TGFB2: variants seen among roughly 807,000 people sequenced by gnomAD.
TGFB2 encodes the protein transforming growth factor beta-2 proprotein.
In TGFB2, 13 loss-of-function variants were observed where a neutral mutation model predicts 42.7. The observed-to-expected ratio is 0.30, with a 90% confidence interval of 0.20 to 0.48. The LOEUF (loss-of-function observed/expected upper bound fraction) is 0.48, where lower values mean the gene tolerates loss of function less well. Ranked by LOEUF, TGFB2 falls within the 20% of genes least tolerant of loss-of-function variation. TGFB2 has a pLI of 0.99. For synonymous variants in TGFB2, 193 were observed against 193.6 expected, an observed-to-expected ratio of 1.00 and a Z score of 0.03; for missense variants, 390 against 517.5, an observed-to-expected ratio of 0.75 and a Z score of 2.39.
In TGFB2 at chr1:218,346,931, T is replaced by C; in HGVS notation, c.230T>C (p.Leu77Ser). The change falls in exon 1 of 7, where the codon TTG becomes TCG. Residue 77 changes from leucine to serine, a missense_variant. Coordinates refer to ENST00000366930, the MANE Select transcript of TGFB2 (RefSeq NM_003238.6). This position sits in a 1 kb window ranked among gnomAD's most constrained non-coding sequence, Gnocchi z 4.9. Reference sequence around the variant, plus strand: ...TCCATCTACAACAGCACCAGGGACTTGCTCCAGGAGAAGGCGAGCCGGAGG... The same window carrying C: ...TCCATCTACAACAGCACCAGGGACTCGCTCCAGGAGAAGGCGAGCCGGAGG... ...VISIYNSTRD[L>S]LQEKASRRAA... 1 of 1,614,166 alleles carries C rather than the reference T, an allele frequency of 6.2e-7. No individual in the cohort carries two copies. Among genetic ancestry groups the C allele is most frequent in the Non-Finnish European group, 8.5e-7 (1 of 1,180,038 alleles).
intron 1 of TGFB2, among the ~76,000 whole-genome samples, chr1:218,365,738 C>T (rs1447733525): frequency 1.3e-5 from 2 of 151,018 alleles, no homozygotes; most frequent in Non-Finnish European, 2.9e-5. Flanking sequence ...TGCCAGGGGG[C>T]AGGCATCCAG....
At chr1:218,422,798 C>T (rs1267433108) in intron 2 of TGFB2, among the ~76,000 whole-genome samples, 4 of 152,010 alleles carry the variant, frequency 2.6e-5, no homozygotes, top group South Asian at 2.1e-4. Flanking sequence ...CTGGGGTATA[C>T]GTATAATGCA....
At chr1:218,411,864 C>CAAA (rs34140547) in intron 2 of TGFB2, among the ~76,000 whole-genome samples, 32 of 88,772 alleles carry the variant, frequency 3.6e-4, no homozygotes, top group African/African-American at 9.1e-4. Flanking sequence ...AATTCAGTCT[C>CAAA]AAAAAAAAAA....
At chr1:218,424,716 A>T (rs1340482478) in intron 2 of TGFB2, among the ~76,000 whole-genome samples, 7 of 152,230 alleles carry the variant, frequency 4.6e-5, no homozygotes, top group Admixed American at 4.6e-4. Context: ...GAAAAATCTG[A>T]CTTAACAACA....
At chr1:218,393,559 G>A (rs1216616555) in intron 1 of TGFB2, among the ~76,000 whole-genome samples, 1 of 152,084 alleles carries the variant, frequency 6.6e-6, no homozygotes, top group East Asian at 1.9e-4. Context: ...TAAAAGCCAT[G>A]AAAGAACCAA....
chr1:218,388,474 C>G (rs749151047), intron 1 of TGFB2, among the ~76,000 whole-genome samples: 9 of 152,304 alleles, frequency 5.9e-5, no homozygotes, highest in East Asian at 3.9e-4. Flanking sequence ...GAGGTGGACC[C>G]GTGGCCCCCT....
At chr1:218,347,940 T>TC (rs1441686167) in intron 1 of TGFB2, among the ~76,000 whole-genome samples, 1 of 151,914 alleles carries the variant, frequency 6.6e-6, no homozygotes, top group East Asian at 1.9e-4. Flanking sequence ...CGTATTTTTT[T>TC]TTTTTTTTTT....
intron 1 of TGFB2, among the ~76,000 whole-genome samples, chr1:218,367,675 C>A (rs918532659): frequency 6.6e-6 from 1 of 152,060 alleles, no homozygotes; most frequent in Non-Finnish European, 1.5e-5. Flanking sequence ...ATTTTACCTC[C>A]GCATAAGTCT....
chr1:218,387,237 G>A (rs1331460479), intron 1 of TGFB2, among the ~76,000 whole-genome samples: 2 of 152,090 alleles, frequency 1.3e-5, no homozygotes, highest in Non-Finnish European at 2.9e-5. Context: ...AGTATGGCAG[G>A]GGTGGGAGGG....
intron 1 of TGFB2, among the ~76,000 whole-genome samples, chr1:218,386,220 C>G (rs1043383819): frequency 4.0e-5 from 6 of 151,828 alleles, no homozygotes; most frequent in Admixed American, 3.9e-4. Context: ...AAATTTCCAG[C>G]TACCTTTCTG....
intron 6 of TGFB2, among the ~76,000 whole-genome samples, chr1:218,438,982 G>A (rs943012138): frequency 6.6e-6 from 1 of 151,918 alleles, no homozygotes; most frequent in Non-Finnish European, 1.5e-5. Context: ...GGTGGCGGGT[G>A]CCTGCAATCC....
intron 6 of TGFB2, 59 bp from the exon 7 acceptor site, chr1:218,441,145 G>C (rs988298487): frequency 8.3e-5 from 125 of 1,514,610 alleles, no homozygotes; most frequent in Non-Finnish European, 1.0e-4. Context: ...TTTTAAAAAC[G>C]AATTGCGTTC....
chr1:218,418,132 C>G (rs1659340598), intron 2 of TGFB2, among the ~76,000 whole-genome samples: 2 of 152,200 alleles, frequency 1.3e-5, no homozygotes, highest in Admixed American at 6.5e-5. Flanking sequence ...CAACAGCTTG[C>G]ACCGTATGCC....
rs986412880 is a variant in TGFB2 at position 218,427,233 on chromosome 1, C to T, written c.511-6849C>T. Among the ~76,000 whole-genome samples, 6 of 151,928 alleles carry T rather than the reference C, an allele frequency of 3.9e-5. No individual in the cohort carries two copies. In the East Asian group the frequency reaches 7.7e-4, roughly 20 times the overall value. ...TATCCATTTCTAGAACTTTTTTTATCGCCAGCAGAAACTCTGTACCCATTA... is the reference window on the plus strand; with the variant it reads ...TATCCATTTCTAGAACTTTTTTTATTGCCAGCAGAAACTCTGTACCCATTA... On this transcript the variant is annotated intron_variant, in intron 2 of 6. Coordinates refer to ENST00000366930, the MANE Select transcript of TGFB2 (RefSeq NM_003238.6).
intron 6 of TGFB2, among the ~76,000 whole-genome samples, chr1:218,439,003 G>A (rs1660063294): frequency 6.6e-6 from 1 of 151,928 alleles, no homozygotes; most frequent in South Asian, 2.1e-4. Flanking sequence ...CAGCTACTCG[G>A]GAGGTTGAGG....
At chr1:218,375,885 C>A (rs1042795228) in intron 1 of TGFB2, among the ~76,000 whole-genome samples, 2 of 152,100 alleles carry the variant, frequency 1.3e-5, no homozygotes, top group African/African-American at 2.4e-5. Flanking sequence ...ATGTAACAAA[C>A]CTTCACATCC....
At chr1:218,433,161 C>T (rs1022169249) in intron 2 of TGFB2, among the ~76,000 whole-genome samples, 2 of 152,096 alleles carry the variant, frequency 1.3e-5, no homozygotes, top group African/African-American at 2.4e-5. Flanking sequence ...CTCCGTCTCC[C>T]GGGTTCGGGT....
chr1:218,375,879 A>G (rs1657725030), intron 1 of TGFB2, among the ~76,000 whole-genome samples: 1 of 152,198 alleles, frequency 6.6e-6, no homozygotes, highest in Admixed American at 6.5e-5. Flanking sequence ...TTACCTATGT[A>G]ACAAACCTTC....
At chr1:218,424,758 CAA>C (rs1408306317) in intron 2 of TGFB2, among the ~76,000 whole-genome samples, 1 of 152,134 alleles carries the variant, frequency 6.6e-6, no homozygotes, top group Non-Finnish European at 1.5e-5. Context: ...TTTTATTTTA[CAA>C]AAAAATTTCT....
Sources: allele counts gnomAD v4.1 joint callset (sites outside exome capture counted in the v4.1 genomes callset), GRCh38; gene constraint gnomAD v4.1.1; non-coding constraint Gnocchi (gnomAD v3.1); transcripts MANE v1.5; gene names NCBI Gene and HGNC (gene_info 2026-07-23, HGNC 2026-07-21).